Variants in ZNF385D observed in about 807,000 individuals in gnomAD.
ZNF385D encodes zinc finger protein 659.
In ZNF385D, 15 loss-of-function variants were observed where a neutral mutation model predicts 35.8. The observed-to-expected ratio is 0.42, with a 90% CI of 0.28 to 0.64. The LOEUF is 0.64. Among genes scored for constraint, ZNF385D ranks in the 30% least tolerant of loss-of-function variants. The probability of loss-of-function intolerance (pLI) is 0.23; values close to 1 mark genes in which losing one functional copy is unlikely to be tolerated. For missense variants in ZNF385D, 474 were observed against 494.6 expected (o/e 0.96, Z 0.39); for synonymous variants, 212 against 186.8 (o/e 1.13, Z -1.10).
At position 21,884,692 on chromosome 3, in the gene ZNF385D, C is replaced by A. The variant is rs1410278624; in HGVS notation, c.326-219664G>T. ...CTCTAAAGTTTATTTGTGTGTATTT[C>A]ATCTGTACAGTGGAAATACTATATA... On this transcript the variant is annotated intron_variant, in intron 3 of 5. Coordinates refer to the ZNF385D transcript ENST00000494108. Among the ~76,000 whole-genome samples the A allele has an allele frequency of 3.3e-5, 5 of 152,132 alleles. No individual in the cohort carries two copies. The East Asian group carries it at 9.7e-4, about 29-fold the overall frequency.
At chr3:21,967,472 T>C (rs1702976442) in intron 3 of ZNF385D, among the ~76,000 whole-genome samples, 1 of 152,170 alleles carries the variant, frequency 6.6e-6, no homozygotes. Flanking sequence ...CTTGATGAAA[T>C]TTTAAACAAT....
At chr3:21,973,870 G>T (rs996810666) in intron 3 of ZNF385D, among the ~76,000 whole-genome samples, 2 of 151,800 alleles carry the variant, frequency 1.3e-5, no homozygotes, top group African/African-American at 2.4e-5. Context: ...AACAAAAAAG[G>T]TGAAAGATCT....
intron 3 of ZNF385D, among the ~76,000 whole-genome samples, chr3:22,105,626 G>A (rs368383624): frequency 1.3e-5 from 2 of 151,840 alleles, no homozygotes; most frequent in South Asian, 2.1e-4. Context: ...CTGAGAACCA[G>A]GACCACCAAG....
At chr3:22,226,892 C>T (rs1698588977) in intron 2 of ZNF385D, among the ~76,000 whole-genome samples, 1 of 152,150 alleles carries the variant, frequency 6.6e-6, no homozygotes, top group East Asian at 1.9e-4. Context: ...ATATTCTCTC[C>T]ATTCAATCTT....
At chr3:21,546,651 GGTTAAAAGGC>G (rs2062382662) in intron 3 of ZNF385D, among the ~76,000 whole-genome samples, 1 of 151,838 alleles carries the variant, frequency 6.6e-6, no homozygotes, top group Non-Finnish European at 1.5e-5. Flanking sequence ...GGCAAGCAGA[GGTTAAAAGGC>G]ACAGCTTAGG....
intron 1 of ZNF385D, among the ~76,000 whole-genome samples, chr3:21,748,909 C>T (rs901482192): frequency 2.6e-5 from 4 of 152,122 alleles, no homozygotes; most frequent in Non-Finnish European, 4.4e-5. Flanking sequence ...TTTTTGCCCT[C>T]GCTCTTGTAC....
chr3:22,086,691 C>T (rs920324177), intron 3 of ZNF385D, among the ~76,000 whole-genome samples: 1 of 152,106 alleles, frequency 6.6e-6, no homozygotes, highest in African/African-American at 2.4e-5. Flanking sequence ...CCCAAATGTC[C>T]ATCAATGATA....
chr3:21,425,467 C>A, intron 6 of ZNF385D, 25 bp downstream of exon 6: 2 of 1,551,240 alleles, frequency 1.3e-6, no homozygotes, highest in Non-Finnish European at 1.7e-6. Flanking sequence ...TGTTGGTTTT[C>A]ATTCCTAGAA....
chr3:21,587,292 T>TA (rs997478914), intron 2 of ZNF385D, among the ~76,000 whole-genome samples: 2 of 152,190 alleles, frequency 1.3e-5, no homozygotes, highest in Non-Finnish European at 2.9e-5. Context: ...AATCTGGAGT[T>TA]AAAAAGACAA....
intron 1 of ZNF385D, 24 bp downstream of exon 1, chr3:21,750,871 T>A (rs7636784): frequency 6.2e-7 from 1 of 1,613,934 alleles, no homozygotes; most frequent in South Asian, 1.1e-5. Context: ...CCCCCAGAAT[T>A]ACATCATCAG....
At chr3:21,858,473 A>T (rs1431180398) in intron 3 of ZNF385D, among the ~76,000 whole-genome samples, 1 of 152,044 alleles carries the variant, frequency 6.6e-6, no homozygotes, top group Non-Finnish European at 1.5e-5. Flanking sequence ...AAGGTTAATT[A>T]GCTCATGAGA....
chr3:21,867,329 T>C (rs1030421546), intron 3 of ZNF385D, among the ~76,000 whole-genome samples: 2 of 152,130 alleles, frequency 1.3e-5, no homozygotes, highest in Non-Finnish European at 2.9e-5. Context: ...TTTGGAGGGA[T>C]ACATTCAGAC....
At chr3:21,829,407 T>C (rs1408026729) in intron 3 of ZNF385D, among the ~76,000 whole-genome samples, 2 of 152,088 alleles carry the variant, frequency 1.3e-5, no homozygotes, top group African/African-American at 4.8e-5. Context: ...AGCTTGGCTA[T>C]TTTAGGACAG....
chr3:21,471,231 CATATT>C (rs1703863169), intron 4 of ZNF385D, among the ~76,000 whole-genome samples: 1 of 150,942 alleles, frequency 6.6e-6, no homozygotes, highest in African/African-American at 2.4e-5. Context: ...TTCACTGAAC[CATATT>C]TCCCTCCCTC....
At chr3:21,760,990 T>C (rs1312109510) in intron 3 of ZNF385D, among the ~76,000 whole-genome samples, 1 of 152,218 alleles carries the variant, frequency 6.6e-6, no homozygotes, top group Non-Finnish European at 1.5e-5. Context: ...GGTTAGGTCA[T>C]AAAAGACAAA....
intron 3 of ZNF385D, among the ~76,000 whole-genome samples, chr3:21,955,785 A>G (rs780974719): frequency 3.3e-5 from 5 of 152,140 alleles, no homozygotes; most frequent in African/African-American, 9.7e-5. Flanking sequence ...CTGTATGCCA[A>G]TTCCATACTG....
intron 1 of ZNF385D, among the ~76,000 whole-genome samples, chr3:21,699,162 A>T (rs559468743): frequency 2.0e-4 from 31 of 152,348 alleles, no homozygotes; most frequent in African/African-American, 7.0e-4. Flanking sequence ...GTAGCCATAA[A>T]AAAGGATGAG....
intron 2 of ZNF385D, among the ~76,000 whole-genome samples, chr3:22,259,552 G>A (rs1268726365): frequency 6.6e-6 from 1 of 151,898 alleles, no homozygotes; most frequent in Non-Finnish European, 1.5e-5. Context: ...ACTTCTGCAT[G>A]TAACAGAAGT....
At chr3:21,805,545 T>G (rs1044596990) in intron 3 of ZNF385D, among the ~76,000 whole-genome samples, 9 of 152,218 alleles carry the variant, frequency 5.9e-5, no homozygotes, top group African/African-American at 2.2e-4. Flanking sequence ...CTACTTAAGA[T>G]TCAGAGATTT....
Sources: allele counts gnomAD v4.1 joint callset (sites outside exome capture counted in the v4.1 genomes callset), GRCh38; gene constraint gnomAD v4.1.1; transcripts MANE v1.5; gene names NCBI Gene and HGNC (gene_info 2026-07-23, HGNC 2026-07-21).